The following MYO1H variants were observed in gnomAD, a reference collection of about 807,000 sequenced individuals.
The protein encoded by MYO1H is myosin IH.
MYO1H carries 118 observed loss-of-function variants against 149.3 expected under a neutral mutation model. That is an observed-to-expected ratio of 0.79 (90% CI 0.68 to 0.92). MYO1H has a LOEUF of 0.92. Ranked by LOEUF, MYO1H falls within the 40% of genes least tolerant of loss-of-function variation. MYO1H has a pLI of 0.00. For synonymous variants in MYO1H, 447 were observed against 465.2 expected (o/e 0.96, Z 0.50); for missense variants, 1,212 against 1,280.7 (o/e 0.95, Z 0.82).
rs992027819 is a variant in MYO1H, at chr12:109,349,980, T to C, written c.12+2008T>C. ...TGTCTTGAAAAAAAAAAAAAGTTAA[T>C]ATTATTATTATATTATTTTATATTA... On this transcript the variant is annotated intron_variant, in intron 1 of 31. Coordinates refer to ENST00000310903, the Ensembl canonical transcript of MYO1H. Among the ~76,000 whole-genome samples, 6 of 142,758 alleles carry C rather than the reference T, an allele frequency of 4.2e-5. No individual in the cohort carries two copies. The East Asian group carries it at 9.8e-4, about 23-fold the overall frequency. 93.7% of individuals were successfully genotyped at this position (142,758 alleles called of 152,430 possible).
At chr12:109,331,916 G>C in the MYO1H span, among the ~76,000 whole-genome samples, 1 of 152,150 alleles carries the variant, frequency 6.6e-6, no homozygotes, top group Non-Finnish European at 1.5e-5. Context: ...TTTGTCTCCA[G>C]TACAAAGATC....
At chr12:109,364,487 G>A (rs112491523) in intron 1 of MYO1H, among the ~76,000 whole-genome samples, 99 of 152,146 alleles carry the variant, frequency 6.5e-4, no homozygotes, top group African/African-American at 2.1e-3. Context: ...ACTATGCCAG[G>A]CTAATTTTTG....
At chr12:109,391,650 C>T (rs996646851) in intron 2 of MYO1H, among the ~76,000 whole-genome samples, 1 of 152,204 alleles carries the variant, frequency 6.6e-6, no homozygotes, top group East Asian at 1.9e-4. Context: ...CTGTTTTCCA[C>T]AATGGTTGAA....
At chr12:109,427,909 A>AAAT (rs1555254298) in intron 19 of MYO1H, among the ~76,000 whole-genome samples, 5 of 16,422 alleles carry the variant, frequency 3.0e-4, no homozygotes, top group Admixed American at 8.7e-4. Context: ...AAAAAAAAAA[A>AAAT]ATATATATAT....
chr12:109,378,531 C>G (rs117859615), intron 1 of MYO1H, among the ~76,000 whole-genome samples: 3,826 of 152,018 alleles, frequency 0.025, 61 homozygotes, highest in Middle Eastern at 0.054. Context: ...ACTGTGCTAC[C>G]CAGGCTAGTC....
At chr12:109,445,303 T>A in intron 30 of MYO1H, 1 of 501,016 alleles carries the variant, frequency 2.0e-6, no homozygotes, top group Non-Finnish European at 3.5e-6. Context: ...ATGTGCTCAT[T>A]TGATCTCATG....
intron 1 of MYO1H, among the ~76,000 whole-genome samples, chr12:109,367,795 G>C (rs554943280): frequency 6.6e-6 from 1 of 151,990 alleles, no homozygotes; most frequent in East Asian, 1.9e-4. Flanking sequence ...CTCATGATCC[G>C]CTCGCCTCCG....
intron 1 of MYO1H, among the ~76,000 whole-genome samples, chr12:109,377,629 T>G (rs1869111121): frequency 6.6e-6 from 1 of 152,222 alleles, no homozygotes; most frequent in Admixed American, 6.5e-5. Flanking sequence ...GCATTCTGCC[T>G]CTATGGCTTT....
chr12:109,366,518 C>T (rs957428874), intron 1 of MYO1H, among the ~76,000 whole-genome samples: 1 of 152,158 alleles, frequency 6.6e-6, no homozygotes, highest in South Asian at 2.1e-4. Flanking sequence ...GGATTTGTTT[C>T]ACGGTTTAAG....
chr12:109,427,909 A>AAAAAAATATATAT (rs1555254298), intron 19 of MYO1H, among the ~76,000 whole-genome samples: 1 of 16,420 alleles, frequency 6.1e-5, no homozygotes. Flanking sequence ...AAAAAAAAAA[A>AAAAAAATATATAT]ATATATATAT....
the MYO1H span, among the ~76,000 whole-genome samples, chr12:109,315,932 C>G: frequency 1.3e-5 from 2 of 152,202 alleles, no homozygotes; most frequent in African/African-American, 4.8e-5. Flanking sequence ...CTATACATCT[C>G]GTTCTGACTT....
chr12:109,433,373 C>T (rs1483440912), intron 20 of MYO1H, among the ~76,000 whole-genome samples: 2 of 152,164 alleles, frequency 1.3e-5, no homozygotes, highest in Non-Finnish European at 2.9e-5. Context: ...GGGACCTAGA[C>T]AATGTGAGAT....
chr12:109,442,616 G>A lies in MYO1H; in HGVS notation c.2688+344G>A, dbSNP rs184602460. On this transcript the variant is annotated intron_variant, in intron 27 of 31. Coordinates refer to ENST00000310903, the Ensembl canonical transcript of MYO1H. The stretch of plus-strand genomic sequence containing the variant: ...CTGGGCACTGACACTTGCTTTGAAC[G>A]TAGCAGCCGTGAGATCCTGGGCAGG... 2.5e-3 allele frequency among the ~76,000 whole-genome samples: 378 copies of A among 152,228 alleles called. 1 individual carries two copies. The highest frequency in any genetic ancestry group is 7.2e-3 in the African/African-American group (300 of 41,536).
chr12:109,443,430 T>G, intron 27 of MYO1H, 84 bp from the exon 28 acceptor site: 1 of 1,485,446 alleles, frequency 6.7e-7, no homozygotes, highest in Non-Finnish European at 9.2e-7. Context: ...TCTAAATGCT[T>G]GACATCACTT....
intron 1 of MYO1H, among the ~76,000 whole-genome samples, chr12:109,354,618 T>TAAAAA (rs1555247905): frequency 1.7e-5 from 2 of 119,404 alleles, no homozygotes; most frequent in African/African-American, 3.2e-5. Flanking sequence ...AGACTCTGTC[T>TAAAAA]AAAAAAAAAA....
the MYO1H span, among the ~76,000 whole-genome samples, chr12:109,312,520 T>C: frequency 6.6e-6 from 1 of 152,040 alleles, no homozygotes; most frequent in Admixed American, 6.6e-5. Context: ...CAGGCGTGAG[T>C]CACCACGGCC....
chr12:109,439,533 T>C, intron 23 of MYO1H, 98 bp from the exon 24 acceptor site: 1 of 890,120 alleles, frequency 1.1e-6, no homozygotes, highest in South Asian at 2.0e-5. Flanking sequence ...CCACAGCCTC[T>C]ACCACTTTGG....
chr12:109,435,713 A>T (rs1219812045), intron 21 of MYO1H, among the ~76,000 whole-genome samples: 1 of 152,218 alleles, frequency 6.6e-6, no homozygotes, highest in Non-Finnish European at 1.5e-5. Context: ...CATAGGTGCT[A>T]TCGTCTCCGC....
intron 1 of MYO1H, among the ~76,000 whole-genome samples, chr12:109,354,840 G>T (rs1293188541): frequency 6.6e-6 from 1 of 152,130 alleles, no homozygotes; most frequent in East Asian, 1.9e-4. Flanking sequence ...GGGACTAGCA[G>T]TATCTTTTTG....
Sources: allele counts gnomAD v4.1 joint callset (sites outside exome capture counted in the v4.1 genomes callset), GRCh38; gene constraint gnomAD v4.1.1; transcripts MANE v1.5; gene names NCBI Gene and HGNC (gene_info 2026-07-23, HGNC 2026-07-21).